NOTCH2: variants seen among roughly 807,000 people sequenced by gnomAD.
The protein encoded by NOTCH2 is neurogenic locus notch homolog protein 2.
A neutral mutation model predicts 235.8 loss-of-function variants in NOTCH2; 29 were observed. The observed-to-expected ratio is 0.12, with a 90% CI of 0.09 to 0.17. NOTCH2 has a LOEUF of 0.17. Ranked by LOEUF, NOTCH2 falls within the 10% of genes least tolerant of loss-of-function variation. NOTCH2 has a pLI of 1.00. For missense variants in NOTCH2, 2,285 were observed against 3,150.2 expected (o/e 0.73, Z 6.57); for synonymous variants, 1,086 against 1,141.5 (o/e 0.95, Z 0.98).
chr1:119,946,204 T>C (rs1650249682), intron 17 of NOTCH2, among the ~76,000 whole-genome samples: 2 of 152,190 alleles, frequency 1.3e-5, no homozygotes, highest in South Asian at 4.1e-4. Flanking sequence ...TTAAAAACTT[T>C]CCCAGAAAGA....
At chr1:119,961,358 A>G (rs1650930128) in intron 11 of NOTCH2, among the ~76,000 whole-genome samples, 1 of 152,212 alleles carries the variant, frequency 6.6e-6, no homozygotes, top group African/African-American at 2.4e-5. Context: ...CAAACTAAGA[A>G]GGCAGCACCC....
intron 6 of NOTCH2, among the ~76,000 whole-genome samples, chr1:119,969,162 G>A (rs1158576314): frequency 6.6e-6 from 1 of 152,204 alleles, no homozygotes; most frequent in Non-Finnish European, 1.5e-5. Context: ...TTCTTAAAAT[G>A]AAGCCTGTGG....
At chr1:119,949,443 G>A (rs2101116451) in intron 15 of NOTCH2, among the ~76,000 whole-genome samples, 1 of 145,908 alleles carries the variant, frequency 6.9e-6, no homozygotes, top group South Asian at 2.2e-4. Context: ...CTGGAGTGCA[G>A]TGATGCGATC....
At chr1:119,954,953 T>G in intron 13 of NOTCH2, 87 bp downstream of exon 13, 1 of 1,356,328 alleles carries the variant, frequency 7.4e-7, no homozygotes, top group Non-Finnish European at 1.0e-6. Flanking sequence ...AAAGCCCCAT[T>G]TGACAACTTC....
chr1:119,928,677 T>A (rs1553194738), intron 23 of NOTCH2, among the ~76,000 whole-genome samples: 1 of 152,186 alleles, frequency 6.6e-6, no homozygotes. Context: ...TTTGCCACTA[T>A]TAAAAAATGT....
chr1:119,931,619 C>T (rs782652270), intron 22 of NOTCH2, among the ~76,000 whole-genome samples: 1 of 152,118 alleles, frequency 6.6e-6, no homozygotes, highest in African/African-American at 2.4e-5. Flanking sequence ...ACCAAAAATA[C>T]ACATGGGAAT....
At chr1:120,025,829 C>G (rs1233870868) in intron 2 of NOTCH2, among the ~76,000 whole-genome samples, 2 of 76,264 alleles carry the variant, frequency 2.6e-5, no homozygotes, top group Non-Finnish European at 4.6e-5. Flanking sequence ...TTGAGTTGTC[C>G]ATGATCTTTA....
At chr1:119,936,516 C>G (rs1380979484) in intron 21 of NOTCH2, among the ~76,000 whole-genome samples, 2 of 152,140 alleles carry the variant, frequency 1.3e-5, no homozygotes, top group African/African-American at 4.8e-5. Flanking sequence ...TTTAAAACAA[C>G]TAGATGTGTC....
chr1:119,927,739 G>A (rs1034107161), intron 23 of NOTCH2, among the ~76,000 whole-genome samples: 10 of 152,176 alleles, frequency 6.6e-5, no homozygotes, highest in Non-Finnish European at 1.0e-4. Context: ...TGGCCAATAC[G>A]AGGCTGTAGA....
intron 19 of NOTCH2, among the ~76,000 whole-genome samples, chr1:119,939,755 C>A (rs587679508): frequency 6.6e-6 from 1 of 152,264 alleles, no homozygotes; most frequent in East Asian, 1.9e-4. Context: ...CAAATAGGAG[C>A]CCAACCAAAA....
intron 1 of NOTCH2, among the ~76,000 whole-genome samples, chr1:120,031,498 C>G (rs1376269960): frequency 2.7e-5 from 4 of 146,388 alleles, no homozygotes; most frequent in African/African-American, 7.6e-5. Context: ...AAGTGGCCTG[C>G]CTACTGCCAT....
intron 22 of NOTCH2, chr1:119,935,140 C>T (rs1357740231): frequency 9.9e-6 from 12 of 1,216,472 alleles, no homozygotes; most frequent in Admixed American, 7.8e-5. Context: ...TTTTAGAGGC[C>T]ATTAGTTGCT....
At chr1:119,952,262 C>T (rs1412657845) in intron 14 of NOTCH2, among the ~76,000 whole-genome samples, 1 of 152,126 alleles carries the variant, frequency 6.6e-6, no homozygotes, top group Non-Finnish European at 1.5e-5. Context: ...TTTTTGGCAC[C>T]AGGGATTGGT....
intron 13 of NOTCH2, among the ~76,000 whole-genome samples, chr1:119,954,641 C>A (rs1215879712): frequency 6.6e-6 from 1 of 152,174 alleles, no homozygotes; most frequent in Non-Finnish European, 1.5e-5. Context: ...AGAGCACACA[C>A]TGGCACTGTG....
intron 22 of NOTCH2, among the ~76,000 whole-genome samples, chr1:119,934,311 C>A (rs903745782): frequency 3.3e-5 from 5 of 152,136 alleles, no homozygotes; most frequent in East Asian, 3.8e-4. Context: ...GCCAAATATA[C>A]CTCTTTCGAA....
chr1:120,006,636 T>C (rs1188018354), intron 2 of NOTCH2, among the ~76,000 whole-genome samples: 1 of 148,446 alleles, frequency 6.7e-6, no homozygotes, highest in Non-Finnish European at 1.5e-5. Context: ...GTGCCCCAAA[T>C]ATGTGATTCA....
intron 5 of NOTCH2, among the ~76,000 whole-genome samples, chr1:119,975,223 A>C (rs1271054267): frequency 2.0e-5 from 3 of 151,774 alleles, no homozygotes; most frequent in Non-Finnish European, 4.4e-5. Flanking sequence ...ACAAGTGAAG[A>C]TGACATGGCA....
In NOTCH2 at chr1:119,912,667, T is replaced by C; in HGVS notation, c.*2639A>G. 8.6e-6 allele frequency: 2 copies of C among 233,120 alleles called. No homozygotes were observed. Among genetic ancestry groups the C allele is most frequent in the Non-Finnish European group, 1.7e-5 (2 of 117,960 alleles). 14.4% of individuals were successfully genotyped at this position (233,120 alleles called of 1,614,324 possible). Reference sequence around the variant, plus strand: ...TATAACAATAAAAATAAACCAAAAATAGCAGGGGAGGATCTATACATGGCA... The same window carrying C: ...TATAACAATAAAAATAAACCAAAAACAGCAGGGGAGGATCTATACATGGCA... On this transcript the variant is annotated 3_prime_UTR_variant, in exon 34 of 34. Coordinates refer to ENST00000256646, the MANE Select transcript of NOTCH2 (RefSeq NM_024408.4).
intron 6 of NOTCH2, 146 bp downstream of exon 6, chr1:119,969,365 C>T: frequency 1.4e-6 from 1 of 725,416 alleles, no homozygotes; most frequent in South Asian, 1.5e-5. Context: ...CTTTGGCTAG[C>T]AGGTTACATT....
Sources: allele counts gnomAD v4.1 joint callset (sites outside exome capture counted in the v4.1 genomes callset), GRCh38; gene constraint gnomAD v4.1.1; transcripts MANE v1.5; gene names NCBI Gene and HGNC (gene_info 2026-07-23, HGNC 2026-07-21).